LRRC38: variants seen among roughly 807,000 people sequenced by gnomAD.
The protein encoded by LRRC38 is leucine rich repeat containing 38, also known as leucine-rich repeat-containing protein 38.
Under a neutral mutation model 16.4 loss-of-function variants are expected in LRRC38, and 5 were observed. The observed-to-expected ratio is 0.31, with a 90% CI of 0.16 to 0.64. LRRC38 has a LOEUF of 0.64. Among genes scored for constraint, LRRC38 ranks in the 30% least tolerant of loss-of-function variants. LRRC38 has a pLI of 0.80. For missense variants in LRRC38, 341 were observed against 401.8 expected, an observed-to-expected ratio of 0.85 and a Z score of 1.29; for synonymous variants, 191 against 190.2, an observed-to-expected ratio of 1.00 and a Z score of -0.04.
rs139845580 is a variant in LRRC38, at chr1:13,478,231, A to G, written c.632-2132T>C. Reference sequence around the variant, plus strand: ...TTCTGATCTGGAAGAGAAGAGAAAAATAAATAAAGTAGTAACTAACAGTCA... The same window carrying G: ...TTCTGATCTGGAAGAGAAGAGAAAAGTAAATAAAGTAGTAACTAACAGTCA... On this transcript the variant is annotated intron_variant, in intron 1 of 1. Transcript: ENST00000376085. 1.3e-4 allele frequency among the ~76,000 whole-genome samples: 20 copies of G among 152,362 alleles called. No individual in the cohort carries two copies. In the East Asian group the frequency reaches 3.9e-3, roughly 29 times the overall value.
At chr1:13,486,083 C>T (rs758319712) in intron 1 of LRRC38, among the ~76,000 whole-genome samples, 4 of 152,254 alleles carry the variant, frequency 2.6e-5, no homozygotes, top group Admixed American at 2.0e-4. Flanking sequence ...GGATTACAGG[C>T]GCCCACCACC....
Position 13,475,750 on chromosome 1 carries a change from T to C in LRRC38, c.*96A>G, listed in dbSNP as rs1638778361. ...CAGGCTCTGTTCAGTTCACAGATGGTGGCCAGTGCTTTTCCATTTTCAGCA... is the reference window on the plus strand; with the variant it reads ...CAGGCTCTGTTCAGTTCACAGATGGCGGCCAGTGCTTTTCCATTTTCAGCA... On this transcript the variant is annotated 3_prime_UTR_variant, in exon 2 of 2. Coordinates refer to ENST00000376085, the MANE Select transcript of LRRC38 (RefSeq NM_001010847.2). This position sits in a 1 kb window ranked among gnomAD's most constrained non-coding sequence, Gnocchi z 4.3. 6.9e-7 allele frequency: 1 copy of C among 1,455,006 alleles called. No homozygotes were observed. The highest frequency in any genetic ancestry group is 2.1e-5 in the Admixed American group (1 of 47,570). 90.1% of individuals were successfully genotyped at this position (1,455,006 alleles called of 1,614,324 possible). A position where few individuals can be genotyped will look rare whatever the true frequency, so the allele number is the denominator to read the frequency against.
At chr1:13,489,406 C>G (rs1399187752) in intron 1 of LRRC38, among the ~76,000 whole-genome samples, 1 of 152,168 alleles carries the variant, frequency 6.6e-6, no homozygotes, top group African/African-American at 2.4e-5. Flanking sequence ...TCTGAAGTCA[C>G]CTTTGATATC....
rs1215098857 is a variant in LRRC38, at chr1:13,513,180, G to C, written c.414C>G (p.Asn138Lys). The change falls in exon 1 of 2, where the codon AAC becomes AAG. Residue 138 changes from asparagine (N) to lysine (K), a missense_variant. Coordinates refer to ENST00000376085, the MANE Select transcript of LRRC38 (RefSeq NM_001010847.2). The part of the protein sequence containing the change: ...GRLVKLSLAN[N>K]NLVGVHEDAF... ...CGTCCTCGTGCACGCCCACCAGGTT[G>C]TTGTTAGCCAGGCTAAGCTTCACCA... The C allele has an allele frequency of 6.4e-7, 1 of 1,550,518 alleles. No homozygotes were observed. The highest frequency in any genetic ancestry group is 1.2e-5 in the South Asian group (1 of 84,066).
intron 1 of LRRC38, among the ~76,000 whole-genome samples, chr1:13,491,796 C>G (rs1286261675): frequency 6.6e-6 from 1 of 152,150 alleles, no homozygotes; most frequent in Non-Finnish European, 1.5e-5. Context: ...CTGCCTCAGC[C>G]TCCAGAGTAG....
At position 13,513,228 on chromosome 1, in the gene LRRC38, GC is replaced by G. The variant is rs1557507687; in HGVS notation, c.365del (p.Gly122AlafsTer10). 1 of 1,550,436 alleles carries G rather than the reference GC, an allele frequency of 6.4e-7. No individual in the cohort carries two copies. Among genetic ancestry groups the G allele is most frequent in the African/African-American group, 1.4e-5 (1 of 73,152 alleles). Reference protein sequence around the residue: ...SYNNLTQLGAGAFRSAGRLVK... With the variant: ...SYNNLTQLGAXAFRSAGRLVK... ...CCAGCCTCCCGGCCGAGCGGAAGGC[GC>G]CGGCGCCCAGCTGGGTCAAGTTGTT... On this transcript the variant is annotated frameshift_variant, in exon 1 of 2. Coordinates refer to ENST00000376085, the MANE Select transcript of LRRC38 (RefSeq NM_001010847.2). LOFTEE classifies it high-confidence loss of function.
chr1:13,479,506 T>C (rs145010500), intron 1 of LRRC38, among the ~76,000 whole-genome samples: 4 of 152,320 alleles, frequency 2.6e-5, no homozygotes, highest in African/African-American at 7.2e-5. Context: ...ATTTCCACAA[T>C]GTTCTTTGTG....
intron 1 of LRRC38, among the ~76,000 whole-genome samples, chr1:13,508,459 G>A (rs572456500): frequency 7.2e-5 from 11 of 152,182 alleles, no homozygotes; most frequent in East Asian, 3.9e-4. Context: ...TAAATCCTCC[G>A]ACAACTGTAA....
chr1:13,513,258 G>A lies in LRRC38; in HGVS notation c.336C>T (p.Ser112=). 6.4e-7 allele frequency: 1 copy of A among 1,550,544 alleles called. No homozygotes were observed. Among genetic ancestry groups the A allele is most frequent in the Non-Finnish European group, 8.7e-7 (1 of 1,146,958 alleles). The part of the protein sequence containing the change: ...GSAKLVFLDL[S]YNNLTQLGAG... The stretch of plus-strand genomic sequence containing the variant: ...CGCCCAGCTGGGTCAAGTTGTTGTA[G>A]CTGAGGTCGAGGAACACGAGCTTGG... Residue 112 remains serine, a synonymous_variant, in exon 1 of 2, where the codon AGC becomes AGT. Transcript: ENST00000376085.
intron 1 of LRRC38, among the ~76,000 whole-genome samples, chr1:13,483,851 C>A (rs1051167180): frequency 3.4e-5 from 5 of 147,690 alleles, no homozygotes; most frequent in African/African-American, 1.3e-4. Context: ...ACTGAGCCTG[C>A]GTTTGACTCC....
intron 1 of LRRC38, among the ~76,000 whole-genome samples, chr1:13,490,980 G>A (rs1569922044): frequency 6.6e-6 from 1 of 152,184 alleles, no homozygotes; most frequent in Admixed American, 6.5e-5. Context: ...ATCCTATTGG[G>A]AAGTAATATT....
rs1453278548 is a variant in LRRC38 at position 13,487,771 on chromosome 1, C to T, written c.632-11672G>A. Among the ~76,000 whole-genome samples, 3 of 152,168 alleles carry T rather than the reference C, an allele frequency of 2.0e-5. No individual in the cohort carries two copies. In the East Asian group the frequency reaches 5.8e-4, roughly 29 times the overall value. On this transcript the variant is annotated intron_variant, in intron 1 of 1. Coordinates refer to ENST00000376085, the MANE Select transcript of LRRC38 (RefSeq NM_001010847.2). The surrounding 1 kb of genome is among the most constrained non-coding windows in gnomAD (Gnocchi z 4.4). ...AGATTAATCTCTTGCACCGGACCGG[C>T]CCCTTGCCAACAAACAGGCCTGCAG...
At chr1:13,512,930 CCT>C in intron 1 of LRRC38, 31 bp downstream of exon 1, 2 of 1,356,700 alleles carry the variant, frequency 1.5e-6, no homozygotes, top group Non-Finnish European at 2.0e-6. Context: ...TGCCCCCCTC[CCT>C]CCCTCCCCCA....
intron 1 of LRRC38, 31 bp downstream of exon 1, chr1:13,512,932 T>TCCCCC: frequency 2.6e-5 from 13 of 495,296 alleles, no homozygotes; most frequent in South Asian, 1.7e-4. Context: ...CCCCCCTCCC[T>TCCCCC]CCCTCCCCCA....
At position 13,512,991 on chromosome 1, in the gene LRRC38, G is replaced by T. The variant is rs956770561; in HGVS notation, c.603C>A (p.Ile201=). 6.5e-7 allele frequency: 1 copy of T among 1,547,002 alleles called. No individual in the cohort carries two copies. The highest frequency in any genetic ancestry group is 1.4e-5 in the African/African-American group (1 of 72,716). The change falls in exon 1 of 2, where the codon ATC becomes ATA. Residue 201 remains isoleucine, a synonymous_variant. Coordinates refer to ENST00000376085, the MANE Select transcript of LRRC38 (RefSeq NM_001010847.2). ...TGGGCAGTTTGGATGCGTTCTCCTGGATCCAGGAGAAGAGGTGGGCGAAGT... is the reference window on the plus strand; with the variant it reads ...TGGGCAGTTTGGATGCGTTCTCCTGTATCCAGGAGAAGAGGTGGGCGAAGT... ...DCDFAHLFSW[I]QENASKLPKG...
At chr1:13,499,841 G>T (rs992180227) in intron 1 of LRRC38, among the ~76,000 whole-genome samples, 2 of 152,156 alleles carry the variant, frequency 1.3e-5, no homozygotes, top group Non-Finnish European at 2.9e-5. Flanking sequence ...CACGCTTTCC[G>T]TATGTGTATT....
chr1:13,494,940 G>C (rs1197088437), intron 1 of LRRC38, among the ~76,000 whole-genome samples: 3 of 152,220 alleles, frequency 2.0e-5, no homozygotes, highest in East Asian at 1.9e-4. Context: ...TGTTTGGTCT[G>C]CTCTGGTTTC....
At chr1:13,497,962 C>CAAAAAAAAAAAAAAA (rs370605050) in intron 1 of LRRC38, among the ~76,000 whole-genome samples, 1 of 69,024 alleles carries the variant, frequency 1.4e-5, no homozygotes. Context: ...AACTCCATCA[C>CAAAAAAAAAAAAAAA]AAAAAAAAAA....
In LRRC38 at chr1:13,505,952, A is replaced by AGGGAGCTCGTCTGGGCTGTGGGG. The variant is rs1553136852; in HGVS notation, c.631+7010_631+7011insCCCCACAGCCCAGACGAGCTCCC. On this transcript the variant is annotated intron_variant, in intron 1 of 1. Transcript: ENST00000376085. ...AGGAGGGGCCCGTCTGGGCTGTGGGAGGGAGCTCGGTTGATTCTAAATGCA... is the reference window on the plus strand; with the variant it reads ...AGGAGGGGCCCGTCTGGGCTGTGGGAGGGAGCTCGTCTGGGCTGTGGGGGGGAGCTCGGTTGATTCTAAATGCA... Among the ~76,000 whole-genome samples the AGGGAGCTCGTCTGGGCTGTGGGG allele has an allele frequency of 7.2e-5, 11 of 152,116 alleles. No homozygotes were observed. The East Asian group carries it at 2.1e-3, about 29-fold the overall frequency.
Sources: allele counts gnomAD v4.1 joint callset (sites outside exome capture counted in the v4.1 genomes callset), GRCh38; gene constraint gnomAD v4.1.1; non-coding constraint Gnocchi (gnomAD v3.1); transcripts MANE v1.5; gene names NCBI Gene and HGNC (gene_info 2026-07-23, HGNC 2026-07-21).